REDIC1: variants seen among roughly 807,000 people sequenced by gnomAD.
The protein encoded by REDIC1 is regulator of DNA class I crossover intermediates 1.
At chr12:39,807,664 TTTTCTA>T in the REDIC1 span, among the ~76,000 whole-genome samples, 1 of 152,126 alleles carries the variant, frequency 6.6e-6, no homozygotes, top group Non-Finnish European at 1.5e-5. Flanking sequence ...ATGATTTAGT[TTTTCTA>T]TTTCTTTTTG....
the REDIC1 span, among the ~76,000 whole-genome samples, chr12:39,788,894 A>G: frequency 3.9e-5 from 6 of 152,192 alleles, no homozygotes; most frequent in Non-Finnish European, 7.4e-5. Context: ...CATAAAATAA[A>G]TATTTTGGTA....
At chr12:39,664,220 A>G in the REDIC1 span, among the ~76,000 whole-genome samples, 7 of 147,670 alleles carry the variant, frequency 4.7e-5, no homozygotes, top group Admixed American at 4.7e-4. Flanking sequence ...TGCTATCCCT[A>G]TACCCTCCCC....
the REDIC1 span, among the ~76,000 whole-genome samples, chr12:39,652,751 G>A: frequency 6.6e-6 from 1 of 151,974 alleles, no homozygotes. Flanking sequence ...TTATGTGTTG[G>A]GTGTGGTAAG....
At chr12:39,683,650 C>A in the REDIC1 span, among the ~76,000 whole-genome samples, 1 of 150,994 alleles carries the variant, frequency 6.6e-6, no homozygotes. Flanking sequence ...TAATATCACC[C>A]CAGTTGAGAG....
chr12:39,696,291 C>T, the REDIC1 span, among the ~76,000 whole-genome samples: 2 of 150,732 alleles, frequency 1.3e-5, no homozygotes, highest in Admixed American at 1.3e-4. Flanking sequence ...CGCCTGTAAT[C>T]CCAGCACTTT....
chr12:39,829,075 CAAGAT>C, the REDIC1 span, among the ~76,000 whole-genome samples: 1 of 150,538 alleles, frequency 6.6e-6, no homozygotes, highest in Admixed American at 6.7e-5. Context: ...TATGAGTAGA[CAAGAT>C]AAGAGAATAT....
At chr12:39,906,283 C>G in the REDIC1 span, among the ~76,000 whole-genome samples, 2 of 151,970 alleles carry the variant, frequency 1.3e-5, no homozygotes, top group Admixed American at 6.6e-5. Context: ...GAATTATTAC[C>G]AAATCACTGT....
the REDIC1 span, among the ~76,000 whole-genome samples, chr12:39,778,826 A>C: frequency 3.3e-5 from 5 of 152,176 alleles, no homozygotes; most frequent in Non-Finnish European, 7.3e-5. Flanking sequence ...GCAACACAAA[A>C]CCATTTAGCA....
the REDIC1 span, among the ~76,000 whole-genome samples, chr12:39,668,303 T>C: frequency 6.6e-6 from 1 of 152,130 alleles, no homozygotes; most frequent in Non-Finnish European, 1.5e-5. Flanking sequence ...CTGTAAAGGA[T>C]TTGATTTCTC....
the REDIC1 span, among the ~76,000 whole-genome samples, chr12:39,699,067 TAAAC>T: frequency 1.3e-5 from 2 of 151,974 alleles, no homozygotes; most frequent in Admixed American, 6.6e-5. Context: ...TTTGAAAAAT[TAAAC>T]AAAATTGACA....
the REDIC1 span, among the ~76,000 whole-genome samples, chr12:39,708,216 C>G: frequency 6.6e-6 from 1 of 151,572 alleles, no homozygotes; most frequent in Non-Finnish European, 1.5e-5. Context: ...ATGAACACTC[C>G]AGTTTTCATG....
At chr12:39,880,686 T>A in the REDIC1 span, among the ~76,000 whole-genome samples, 4 of 152,218 alleles carry the variant, frequency 2.6e-5, no homozygotes, top group Admixed American at 2.6e-4. Flanking sequence ...ATGGAACTTA[T>A]AAGGGATTTC....
the REDIC1 span, among the ~76,000 whole-genome samples, chr12:39,710,630 A>T: frequency 6.6e-6 from 1 of 151,758 alleles, no homozygotes; most frequent in Non-Finnish European, 1.5e-5. Flanking sequence ...TGGTTTATTC[A>T]TCATTCAAAA....
the REDIC1 span, among the ~76,000 whole-genome samples, chr12:39,873,526 A>G: frequency 6.6e-6 from 1 of 152,358 alleles, no homozygotes; most frequent in South Asian, 2.1e-4. Flanking sequence ...AAATTCAAAT[A>G]TTTAAAGCCA....
the REDIC1 span, among the ~76,000 whole-genome samples, chr12:39,679,435 C>A: frequency 6.6e-6 from 1 of 151,728 alleles, no homozygotes; most frequent in Non-Finnish European, 1.5e-5. Flanking sequence ...ATACACCTAA[C>A]CAAGGAGGTG....
chr12:39,819,953 C>G, the REDIC1 span: 1 of 152,258 alleles, frequency 6.6e-6, no homozygotes, highest in South Asian at 2.1e-4. Flanking sequence ...AGAAAAAACT[C>G]TTTATCTTTG....
chr12:39,899,249 A>G, the REDIC1 span, among the ~76,000 whole-genome samples: 1 of 151,884 alleles, frequency 6.6e-6, no homozygotes, highest in Non-Finnish European at 1.5e-5. Context: ...TTTCTTCTAG[A>G]TTTTCTAGTT....
the REDIC1 span, among the ~76,000 whole-genome samples, chr12:39,822,203 AATG>A: frequency 1.1e-4 from 17 of 151,816 alleles, no homozygotes; most frequent in African/African-American, 3.6e-4. Flanking sequence ...GTTTACTGAG[AATG>A]ATGATTTCCA....
the REDIC1 span, among the ~76,000 whole-genome samples, chr12:39,739,818 G>A: frequency 6.6e-6 from 1 of 152,062 alleles, no homozygotes; most frequent in African/African-American, 2.4e-5. Context: ...CTGGAATTTG[G>A]GAAGGCATTG....
Sources: gnomAD v4.1 joint callset for allele counts (sites outside exome capture counted in the v4.1 genomes callset) on GRCh38, gnomAD v4.1.1 for gene constraint, MANE v1.5 for transcripts, NCBI Gene and HGNC (gene_info 2026-07-23, HGNC 2026-07-21) for gene names.